DNAJC4: variants seen among roughly 807,000 people sequenced by gnomAD.
DNAJC4 encodes DnaJ heat shock protein family (Hsp40) member C4.
Under a neutral mutation model 26.8 loss-of-function variants are expected in DNAJC4, and 26 were observed. The ratio of observed to expected loss-of-function variants is 0.97; its 90% CI spans 0.71 to 1.34. The LOEUF (loss-of-function observed/expected upper bound fraction) is 1.34. Among genes scored for constraint, DNAJC4 ranks in the 40% most tolerant of loss-of-function variants. DNAJC4 has a pLI of 0.00. For missense variants in DNAJC4, 342 were observed against 321.1 expected (o/e 1.07, Z -0.50); for synonymous variants, 134 against 127.8 (o/e 1.05, Z -0.33).
chr11:64,231,078 G>C (rs954386860), intron 1 of DNAJC4, 138 bp downstream of exon 1: 1 of 1,152,978 alleles, frequency 8.7e-7, no homozygotes, highest in Admixed American at 2.0e-5. Flanking sequence ...CCCTGCTGAG[G>C]ATCAGAGATA....
intron 1 of DNAJC4, 198 bp from the exon 2 acceptor site, chr11:64,231,673 C>G (rs553735327): frequency 1.9e-6 from 1 of 540,442 alleles, no homozygotes; most frequent in African/African-American, 1.9e-5. Flanking sequence ...TTTTTGGACT[C>G]CACTTTGAGA....
Position 64,232,730 on chromosome 11 carries a change from A to G in DNAJC4, c.392A>G (p.Tyr131Cys), listed in dbSNP as rs764543996. The change falls in exon 4 of 6, where the codon TAC becomes TGC. Residue 131 changes from tyrosine to cysteine, a missense_variant. Tyr to Cys is a radical substitution (Grantham distance 194, BLOSUM62 -2). Transcript: ENST00000628077. ...HSSWTPPNAQ[Y>C]WSQFHSVRPQ... ...TCCTGGACACCCCCCAACGCACAGT[A>G]CTGGTCCCAGTTTCACAGCGTGAGG... 77 of 1,610,126 alleles carry G rather than the reference A, an allele frequency of 4.8e-5. No individual in the cohort carries two copies. Among genetic ancestry groups the G allele is most frequent in the Non-Finnish European group, 6.3e-5 (74 of 1,177,920 alleles).
chr11:64,232,549 C>T lies in DNAJC4; in HGVS notation c.300C>T (p.Arg100=). The stretch of plus-strand genomic sequence containing the variant: ...GCCGCAGCTATGATGACCAGCTCCG[C>T]TCAGGTAGTCCCCCAAAGTCTCCAC... ...QSRRSYDDQL[R]SGSPPKSPRT... The change falls in exon 3 of 6, where the codon CGC becomes CGT. Residue 100 remains arginine, a synonymous_variant. Coordinates refer to ENST00000628077, the MANE Select transcript of DNAJC4 (RefSeq NM_005528.4). 6.2e-7 allele frequency: 1 copy of T among 1,612,998 alleles called. No homozygotes were observed.
In DNAJC4 at chr11:64,231,982, G is replaced by T. The variant is rs1367287958; in HGVS notation, c.180+18G>T. 2 of 1,613,188 alleles carry T rather than the reference G, an allele frequency of 1.2e-6. No homozygotes were observed. The highest frequency in any genetic ancestry group is 2.2e-5 in the South Asian group (2 of 91,068). On this transcript the variant is annotated intron_variant, in intron 2 of 5. Coordinates refer to ENST00000628077, the MANE Select transcript of DNAJC4 (RefSeq NM_005528.4). ...CCAAAGAGGTACCCGTACCCCTGAGGTGGGGAGGGGGAGCAGGAACTTTGA... is the reference window on the plus strand; with the variant it reads ...CCAAAGAGGTACCCGTACCCCTGAGTTGGGGAGGGGGAGCAGGAACTTTGA...
At chr11:64,231,720 G>T (rs915882485) in intron 1 of DNAJC4, 151 bp from the exon 2 acceptor site, 2 of 648,624 alleles carry the variant, frequency 3.1e-6, no homozygotes, top group East Asian at 2.7e-5. Flanking sequence ...CACTCCAAAG[G>T]GGGTGCTGAT....
Position 64,233,954 on chromosome 11 carries a change from C to T in DNAJC4, c.588C>T (p.Phe196=), listed in dbSNP as rs1947210956. 1.2e-6 allele frequency: 2 copies of T among 1,614,024 alleles called. No homozygotes were observed. Among genetic ancestry groups the T allele is most frequent in the African/African-American group, 1.3e-5 (1 of 74,952 alleles). Residue 196 remains phenylalanine, a synonymous_variant, in exon 5 of 6, where the codon TTC becomes TTT. Transcript: ENST00000628077. ...AAAAGGATCGGATCATCACAGCCTT[C>T]TACAACGAAGCCCGGGCACGGGCCA... ...MDEKDRIITA[F]YNEARARARA...
Position 64,230,665 on chromosome 11 carries a change from A to C in DNAJC4, c.-190A>C. The C allele has an allele frequency of 1.3e-6, 1 of 748,478 alleles. No individual in the cohort carries two copies. Among genetic ancestry groups the C allele is most frequent in the Non-Finnish European group, 2.2e-6 (1 of 458,128 alleles). 46.4% of individuals were successfully genotyped at this position (748,478 alleles called of 1,614,324 possible). A position where few individuals can be genotyped will look rare whatever the true frequency, so the allele number is the denominator to read the frequency against. ...GGCTGCGGATGCCCGGGTCAGAGGA[A>C]GGGGCAGGTCCAAGGACACGCGGGT... On this transcript the variant is annotated 5_prime_UTR_variant, in exon 1 of 6. Transcript: ENST00000628077.
rs1565314169 is a variant in DNAJC4, at chr11:64,231,668, G to T, written c.87-203G>T. 9 of 534,332 alleles carry T rather than the reference G, an allele frequency of 1.7e-5. No individual in the cohort carries two copies. The East Asian group carries it at 2.6e-4, about 16-fold the overall frequency. The allele number at this position is 534,332 out of a possible 1,614,324, so 33.1% of individuals were successfully genotyped here. A position where few individuals can be genotyped will look rare whatever the true frequency, so the allele number is the denominator to read the frequency against. On this transcript the variant is annotated intron_variant, in intron 1 of 5. Coordinates refer to ENST00000628077, the MANE Select transcript of DNAJC4 (RefSeq NM_005528.4). Reference sequence around the variant, plus strand: ...AATCAGTTTTTTCCAACAAGTTTTTGGACTCCACTTTGAGAAATCCTGACC... The same window carrying T: ...AATCAGTTTTTTCCAACAAGTTTTTTGACTCCACTTTGAGAAATCCTGACC...
Position 64,230,859 on chromosome 11 carries a change from C to G in DNAJC4, c.5C>G (p.Pro2Arg). 6.2e-7 allele frequency: 1 copy of G among 1,600,098 alleles called. No individual in the cohort carries two copies. Among genetic ancestry groups the G allele is most frequent in the Non-Finnish European group, 8.5e-7 (1 of 1,175,508 alleles). The stretch of plus-strand genomic sequence containing the variant: ...CCCAGCTGCCCGCCCGCCGCCATGC[C>G]GCCCTTACTGCCCCTGCGCCTGTGC... The part of the protein sequence containing the change: M[P>R]PLLPLRLCRL... Residue 2 changes from proline (P) to arginine (R), a missense_variant, in exon 1 of 6, where the codon CCG (proline) becomes CGG (arginine). By Grantham distance (103) the Pro-to-Arg change is moderately radical. Coordinates refer to ENST00000628077, the MANE Select transcript of DNAJC4 (RefSeq NM_005528.4).
intron 1 of DNAJC4, 161 bp from the exon 2 acceptor site, chr11:64,231,710 C>T (rs1404489441): frequency 1.6e-6 from 1 of 621,036 alleles, no homozygotes; most frequent in Non-Finnish European, 2.8e-6. Context: ...ATGCCTGAAA[C>T]ACTCCAAAGG....
Position 64,230,798 on chromosome 11 carries a change from C to G in DNAJC4, c.-57C>G, listed in dbSNP as rs535538545. 6.4e-7 allele frequency: 1 copy of G among 1,561,648 alleles called. No homozygotes were observed. Among genetic ancestry groups the G allele is most frequent in the African/African-American group, 1.4e-5 (1 of 73,588 alleles). On this transcript the variant is annotated 5_prime_UTR_variant, in exon 1 of 6. Transcript: ENST00000628077. ...GCCCCCGGGTGCTTGAAGTCTAGCC[C>G]CATCCTGGTCCAATGCGCTCTTGGT...
chr11:64,233,053 G>A lies in DNAJC4; in HGVS notation c.527+188G>A, dbSNP rs1947197905. ...AGGCAGCGCTGCACCAAGAGCTAAC[G>A]TTGTCATTTACAGTTTTTCATATTT... is the stretch of plus-strand genomic sequence containing the variant. On this transcript the variant is annotated intron_variant, in intron 4 of 5. Transcript: ENST00000628077. The A allele has an allele frequency of 9.5e-6, 5 of 526,184 alleles. No homozygotes were observed. In the South Asian group the frequency reaches 2.0e-4, roughly 21 times the overall value. 32.6% of individuals were successfully genotyped at this position (526,184 alleles called of 1,614,324 possible). A position where few individuals can be genotyped will look rare whatever the true frequency, so the allele number is the denominator to read the frequency against.
rs911408754 is a variant in DNAJC4, at chr11:64,230,586, G to C, written c.-269G>C. On this transcript the variant is annotated 5_prime_UTR_variant, in exon 1 of 6. Transcript: ENST00000628077. ...GTCCCCAAGTTCCCTGGGTGGGAACGGGGTCTTGGGGTCCCTGGCTGGGTG... is the reference window on the plus strand; with the variant it reads ...GTCCCCAAGTTCCCTGGGTGGGAACCGGGTCTTGGGGTCCCTGGCTGGGTG... 8.3e-6 allele frequency: 5 copies of C among 602,604 alleles called. No homozygotes were observed. The highest frequency in any genetic ancestry group is 8.3e-5 in the Admixed American group (3 of 36,288). 37.3% of individuals were successfully genotyped at this position (602,604 alleles called of 1,614,324 possible). A position where few individuals can be genotyped will look rare whatever the true frequency, so the allele number is the denominator to read the frequency against.
rs1214922046 is a variant in DNAJC4, at chr11:64,230,758, A to G, written c.-97A>G. 4.1e-6 allele frequency: 6 copies of G among 1,481,448 alleles called. No homozygotes were observed. The South Asian group carries it at 6.1e-5, about 15-fold the overall frequency. The allele number at this position is 1,481,448 out of a possible 1,614,324, so 91.8% of individuals were successfully genotyped here. A position where few individuals can be genotyped will look rare whatever the true frequency, so the allele number is the denominator to read the frequency against. ...GTCTTCCTTTGCAGAACAACGGGCC[A>G]GGCCCCTTCCCTCTGCCCCCGGGTG... On this transcript the variant is annotated 5_prime_UTR_variant, in exon 1 of 6. Transcript: ENST00000628077.
At position 64,232,730 on chromosome 11, in the gene DNAJC4, A is replaced by T. The variant is rs764543996; in HGVS notation, c.392A>T (p.Tyr131Phe). The T allele has an allele frequency of 1.1e-5, 18 of 1,610,126 alleles. No homozygotes were observed. The highest frequency in any genetic ancestry group is 1.4e-5 in the Non-Finnish European group (17 of 1,177,920). ...TCCTGGACACCCCCCAACGCACAGT[A>T]CTGGTCCCAGTTTCACAGCGTGAGG... ...HSSWTPPNAQ[Y>F]WSQFHSVRPQ... The change falls in exon 4 of 6, where the codon TAC becomes TTC. Residue 131 changes from tyrosine to phenylalanine, a missense_variant. Physicochemically the swap from Tyr to Phe is conservative, Grantham distance 22. Transcript: ENST00000628077.
rs1437293017 is a variant in DNAJC4 at position 64,230,575 on chromosome 11, TGGGTGGGAAC to T, written c.-276_-267del. On this transcript the variant is annotated 5_prime_UTR_variant, in exon 1 of 6. Coordinates refer to ENST00000628077, the MANE Select transcript of DNAJC4 (RefSeq NM_005528.4). The stretch of plus-strand genomic sequence containing the variant: ...CTCCTTCTCCCGTCCCCAAGTTCCC[TGGGTGGGAAC>T]GGGGTCTTGGGGTCCCTGGCTGGGT... 13 of 604,956 alleles carry T rather than the reference TGGGTGGGAAC, an allele frequency of 2.1e-5. 1 individual carries two copies. The South Asian group carries it at 2.2e-4, about 10-fold the overall frequency. 37.5% of individuals were successfully genotyped at this position (604,956 alleles called of 1,614,324 possible).
At position 64,232,587 on chromosome 11, in the gene DNAJC4, A is replaced by G. The variant is rs1167528611; in HGVS notation, c.338A>G (p.His113Arg). Reference sequence around the variant, plus strand: ...CCAAAGTCTCCACGAACCACAGTCCATGACAAGTCTGCCCACCAAACACAC... The same window carrying G: ...CCAAAGTCTCCACGAACCACAGTCCGTGACAAGTCTGCCCACCAAACACAC... ...SPPKSPRTTV[H>R]DKSAHQTHSS... is the part of the protein sequence containing the mutation. Residue 113 changes from histidine to arginine, a missense_variant, in exon 3 of 6, where the codon CAT becomes CGT. By Grantham distance (29) the His-to-Arg change is conservative. Coordinates refer to ENST00000628077, the MANE Select transcript of DNAJC4 (RefSeq NM_005528.4). 4 of 1,606,102 alleles carry G rather than the reference A, an allele frequency of 2.5e-6. No homozygotes were observed. Among genetic ancestry groups the G allele is most frequent in the South Asian group, 2.2e-5 (2 of 90,664 alleles).
In DNAJC4 at chr11:64,232,423, AC is replaced by A; in HGVS notation, c.181-3del. On this transcript the variant is annotated splice_region_variant and splice_polypyrimidine_tract_variant and intron_variant, in intron 2 of 5. Coordinates refer to ENST00000628077, the MANE Select transcript of DNAJC4 (RefSeq NM_005528.4). ...AGGGAGATAAGGGGAGTCCTGCCCC[AC>A]CCCAGCTGCACCCAGACCGGGACCC... 6.4e-7 allele frequency: 1 copy of A among 1,569,644 alleles called. No homozygotes were observed. Among genetic ancestry groups the A allele is most frequent in the Non-Finnish European group, 8.7e-7 (1 of 1,155,218 alleles).
chr11:64,233,796 G>C, intron 4 of DNAJC4, 98 bp from the exon 5 acceptor site: 1 of 1,509,318 alleles, frequency 6.6e-7, no homozygotes, highest in East Asian at 2.3e-5. Context: ...CCTGTGTAAG[G>C]GTAAAAAGCT....
Sources: gnomAD v4.1 joint callset for allele counts on GRCh38, gnomAD v4.1.1 for gene constraint, MANE v1.5 for transcripts, NCBI Gene and HGNC (gene_info 2026-07-23, HGNC 2026-07-21) for gene names.